The following BOLL variants were observed in gnomAD, a reference collection of about 807,000 sequenced individuals.
BOLL encodes protein boule-like.
In BOLL, 23 loss-of-function variants were observed where a neutral mutation model predicts 44.4. That is an observed-to-expected ratio of 0.52 (90% CI 0.37 to 0.73). The LOEUF (loss-of-function observed/expected upper bound fraction) is 0.73. BOLL is among the 30% of genes least tolerant of loss of function. The pLI, the probability that BOLL is intolerant of heterozygous loss-of-function variation, is 0.00. For synonymous variants in BOLL, 97 were observed against 110.8 expected, an observed-to-expected ratio of 0.88 and a Z score of 0.78; for missense variants, 287 against 338.3, an observed-to-expected ratio of 0.85 and a Z score of 1.19.
chr2:197,752,514 T>C (rs1312553109), intron 9 of BOLL, among the ~76,000 whole-genome samples: 2 of 151,914 alleles, frequency 1.3e-5, no homozygotes, highest in Admixed American at 1.3e-4. Flanking sequence ...ACTCCAATAA[T>C]AGACAGAGAA....
chr2:197,743,195 C>A, intron 9 of BOLL, 36 bp from the exon 10 acceptor site: 1 of 1,442,482 alleles, frequency 6.9e-7, no homozygotes, highest in Admixed American at 2.1e-5. Context: ...TGTCACCTTT[C>A]ATCTATTAAT....
At chr2:197,752,835 C>T (rs1252252635) in intron 9 of BOLL, among the ~76,000 whole-genome samples, 1 of 152,038 alleles carries the variant, frequency 6.6e-6, no homozygotes, top group African/African-American at 2.4e-5. Flanking sequence ...AAAAAGAGGC[C>T]ATATAACCAA....
intron 2 of BOLL, 124 bp downstream of exon 2, chr2:197,781,598 G>A: frequency 1.0e-6 from 1 of 997,430 alleles, no homozygotes; most frequent in Admixed American, 2.7e-5. Flanking sequence ...TTTATAATAA[G>A]ATAATTCAAA....
In BOLL at chr2:197,771,918, AG is replaced by A; in HGVS notation, c.416del (p.Thr139IlefsTer14). On this transcript the variant is annotated frameshift_variant, in exon 6 of 11. Transcript: ENST00000392296. LOFTEE classifies it high-confidence loss of function. ...GAAAATAAGCAACACCATTATGGTAAGTATAAGGATATCCAGTTGAAGTTGT... is the reference window on the plus strand; with the variant it reads ...GAAAATAAGCAACACCATTATGGTAATATAAGGATATCCAGTTGAAGTTGT... ...YLTTSTGYPY[T>X]YHNGVAYFHT... The A allele has an allele frequency of 6.3e-7, 1 of 1,597,934 alleles. No individual in the cohort carries two copies. The highest frequency in any genetic ancestry group is 8.5e-7 in the Non-Finnish European group (1 of 1,170,172).
chr2:197,737,619 A>G (rs1357880478), intron 10 of BOLL, among the ~76,000 whole-genome samples: 1 of 152,164 alleles, frequency 6.6e-6, no homozygotes, highest in Non-Finnish European at 1.5e-5. Flanking sequence ...TTTTCAGAAT[A>G]CAAGACAATT....
At chr2:197,779,096 G>A (rs770636017) in intron 2 of BOLL, 30 bp from the exon 3 acceptor site, 5 of 1,495,290 alleles carry the variant, frequency 3.3e-6, no homozygotes, top group African/African-American at 1.4e-5. Flanking sequence ...ACGTTAAAAA[G>A]CATTTTTAGT....
intron 9 of BOLL, among the ~76,000 whole-genome samples, chr2:197,748,529 A>C (rs12995877): frequency 0.025 from 3,802 of 152,310 alleles, 83 homozygotes; most frequent in Non-Finnish European, 0.037. Flanking sequence ...TCGACCTGGG[A>C]TGCTCAGGCT....
intron 10 of BOLL, among the ~76,000 whole-genome samples, chr2:197,731,468 C>G (rs1159196785): frequency 3.4e-4 from 49 of 144,432 alleles, no homozygotes; most frequent in Admixed American, 1.9e-3. Flanking sequence ...GCAGACCTAA[C>G]AGACATCTAC....
At chr2:197,750,231 C>T (rs777770912) in intron 9 of BOLL, among the ~76,000 whole-genome samples, 9 of 151,930 alleles carry the variant, frequency 5.9e-5, no homozygotes, top group Admixed American at 2.6e-4. Context: ...ATAAGGAAAC[C>T]GCATCAACTA....
At chr2:197,772,175 C>T (rs560795949) in intron 5 of BOLL, among the ~76,000 whole-genome samples, 193 bp from the exon 6 acceptor site, 1 of 151,954 alleles carries the variant, frequency 6.6e-6, no homozygotes, top group South Asian at 2.1e-4. Context: ...AACTCAATAC[C>T]TTAAAGCTTT....
At chr2:197,762,963 A>G (rs1202265697) in intron 7 of BOLL, among the ~76,000 whole-genome samples, 52 of 152,176 alleles carry the variant, frequency 3.4e-4, no homozygotes, top group Non-Finnish European at 1.6e-4. Context: ...AAAAGATAAA[A>G]TCGACAAACC....
At chr2:197,779,477 G>A (rs190381069) in intron 2 of BOLL, among the ~76,000 whole-genome samples, 1 of 151,956 alleles carries the variant, frequency 6.6e-6, no homozygotes, top group Non-Finnish European at 1.5e-5. Flanking sequence ...GGTTGTGTTG[G>A]CCTACACCAG....
intron 10 of BOLL, among the ~76,000 whole-genome samples, chr2:197,740,298 A>G (rs1042898872): frequency 1.3e-5 from 2 of 152,150 alleles, no homozygotes; most frequent in African/African-American, 4.8e-5. Flanking sequence ...ATTTTAATGC[A>G]AAGACTATGC....
intron 9 of BOLL, among the ~76,000 whole-genome samples, chr2:197,751,656 G>A (rs1457158569): frequency 6.6e-6 from 1 of 152,084 alleles, no homozygotes; most frequent in East Asian, 1.9e-4. Context: ...GTAATTAATA[G>A]CCTACTAAAC....
intron 8 of BOLL, 65 bp from the exon 9 acceptor site, chr2:197,756,621 T>G: frequency 7.0e-7 from 1 of 1,430,702 alleles, no homozygotes; most frequent in South Asian, 1.4e-5. Context: ...CCAAATGACT[T>G]AGCCAACAGA....
intron 1 of BOLL, 136 bp downstream of exon 1, chr2:197,784,920 A>C: frequency 1.0e-6 from 1 of 986,746 alleles, no homozygotes; most frequent in Non-Finnish European, 1.2e-6. Context: ...CCGTTTGCTA[A>C]AACTTCCAGC....
In BOLL at chr2:197,769,238, A is replaced by G. The variant is rs532846593; in HGVS notation, c.480+2617T>C. 2.6e-5 allele frequency among the ~76,000 whole-genome samples: 4 copies of G among 152,234 alleles called. No individual in the cohort carries two copies. In the East Asian group the frequency reaches 7.7e-4, roughly 29 times the overall value. On this transcript the variant is annotated intron_variant, in intron 6 of 10. Transcript: ENST00000392296. ...TTGAAATAGCTTCAGAAGGAATGGT[A>G]CCAGCTCCTCTTTGTACCTCTGGTA...
At chr2:197,768,562 G>A (rs921086222) in intron 6 of BOLL, among the ~76,000 whole-genome samples, 1 of 151,634 alleles carries the variant, frequency 6.6e-6, no homozygotes, top group African/African-American at 2.4e-5. Flanking sequence ...GAAACTTAGT[G>A]TTTGGCAGAG....
At chr2:197,771,285 G>A (rs951098757) in intron 6 of BOLL, among the ~76,000 whole-genome samples, 4 of 147,868 alleles carry the variant, frequency 2.7e-5, no homozygotes, top group African/African-American at 1.0e-4. Flanking sequence ...CTCATAGGTG[G>A]GAATTGAACA....
Sources: gnomAD v4.1 joint callset for allele counts (sites outside exome capture counted in the v4.1 genomes callset) on GRCh38, gnomAD v4.1.1 for gene constraint, MANE v1.5 for transcripts, NCBI Gene and HGNC (gene_info 2026-07-23, HGNC 2026-07-21) for gene names.